Variants in ZNF391 observed in about 807,000 individuals in gnomAD.
The protein encoded by ZNF391 is zinc finger protein 391.
For synonymous variants in ZNF391, 126 were observed against 142.1 expected (o/e 0.89, Z 0.80); for missense variants, 375 against 425.5 (o/e 0.88, Z 1.04).
chr6:27,391,201 C>CTTTTTTTTTTTTT (rs386406591), intron 1 of ZNF391: 1 of 97,278 alleles, frequency 1.0e-5, no homozygotes, highest in African/African-American at 4.0e-5. Context: ...ATTCATTGTA[C>CTTTTTTTTTTTTT]TTTTTTTTTT....
Position 27,401,958 on chromosome 6 carries a change from A to C in ZNF391, c.*511A>C, listed in dbSNP as rs147717857. ...CCAGAAGAGAGGGATCTGGCTTCAG[A>C]GCAGGACTGAAAACTTCTCACCAGT... On this transcript the variant is annotated 3_prime_UTR_variant, in exon 3 of 3. Coordinates refer to ENST00000244576, the MANE Select transcript of ZNF391 (RefSeq NM_001076781.3). The C allele has an allele frequency of 9.1e-3, 1,388 of 152,970 alleles. 20 individuals carry two copies. Among genetic ancestry groups the C allele is most frequent in the Middle Eastern group, 0.024 (7 of 294 alleles). The allele number at this position is 152,970 out of a possible 1,614,324, so 9.5% of individuals were successfully genotyped here. A position where few individuals can be genotyped will look rare whatever the true frequency, so the allele number is the denominator to read the frequency against.
upstream of ZNF391, among the ~76,000 whole-genome samples, chr6:27,384,400 G>T (rs377657665): frequency 1.4e-5 from 2 of 148,098 alleles, no homozygotes; most frequent in East Asian, 2.0e-4. Flanking sequence ...GGAAGTGAAG[G>T]TTGCAGTGAG....
intron 1 of ZNF391, among the ~76,000 whole-genome samples, chr6:27,378,314 T>C (rs1761447876): frequency 6.6e-6 from 1 of 152,164 alleles, no homozygotes; most frequent in Admixed American, 6.5e-5. Context: ...ATAAAGCTTT[T>C]TAAATCACCT....
At chr6:27,389,127 A>G in intron 1 of ZNF391, 52 bp downstream of exon 1, 1 of 456,626 alleles carries the variant, frequency 2.2e-6, no homozygotes, top group Non-Finnish European at 4.4e-6. Context: ...CTTCGAAGGA[A>G]ACGGGCGAAA....
Position 27,401,267 on chromosome 6 carries a change from C to T in ZNF391, c.897C>T (p.His299=). The T allele has an allele frequency of 6.2e-7, 1 of 1,614,098 alleles. No individual in the cohort carries two copies. The highest frequency in any genetic ancestry group is 8.5e-7 in the Non-Finnish European group (1 of 1,180,008). ...CTCTTACAGAACATCAGAGAATCCACAGTGGAGAAAAGCCTCACGAGTGTA... is the reference window on the plus strand; with the variant it reads ...CTCTTACAGAACATCAGAGAATCCATAGTGGAGAAAAGCCTCACGAGTGTA... ...SSSLTEHQRI[H]SGEKPHECRV... is the part of the protein sequence containing the mutation. Residue 299 remains histidine (H), a synonymous_variant, in exon 3 of 3, where the codon CAC becomes CAT. Coordinates refer to ENST00000244576, the MANE Select transcript of ZNF391 (RefSeq NM_001076781.3).
intron 1 of ZNF391, among the ~76,000 whole-genome samples, chr6:27,375,825 A>T (rs1761408174): frequency 6.6e-6 from 1 of 152,232 alleles, no homozygotes; most frequent in African/African-American, 2.4e-5. Context: ...AACAAATCAC[A>T]CAAAGCAAGG....
chr6:27,391,469 A>G (rs535857238), intron 1 of ZNF391, among the ~76,000 whole-genome samples: 4 of 152,172 alleles, frequency 2.6e-5, no homozygotes, highest in Admixed American at 6.5e-5. Flanking sequence ...TGGCCTCCCA[A>G]TCATTACTTC....
At chr6:27,382,549 T>C (rs1324738745) in intron 1 of ZNF391, among the ~76,000 whole-genome samples, 5 of 151,974 alleles carry the variant, frequency 3.3e-5, no homozygotes, top group African/African-American at 1.2e-4. Flanking sequence ...GACTCACATA[T>C]GGTGGGGATG....
chr6:27,398,124 C>T (rs1202407866), intron 1 of ZNF391, among the ~76,000 whole-genome samples: 22 of 152,198 alleles, frequency 1.4e-4, no homozygotes, highest in Admixed American at 1.4e-3. Flanking sequence ...AGGCTAACCT[C>T]CACATCTGAG....
In ZNF391 at chr6:27,400,505, A is replaced by G. The variant is rs1761924786; in HGVS notation, c.135A>G (p.Lys45=). 5 of 1,614,090 alleles carry G rather than the reference A, an allele frequency of 3.1e-6. No homozygotes were observed. Among genetic ancestry groups the G allele is most frequent in the Non-Finnish European group, 4.2e-6 (5 of 1,180,042 alleles). The change falls in exon 3 of 3, where the codon AAA becomes AAG. Residue 45 remains lysine (K), a synonymous_variant. Transcript: ENST00000244576. ...CTTTTGAGAACACAGTGGTCAGAAAAGTGTCAGTGACACTCAAAGAAATTT... is the reference window on the plus strand; with the variant it reads ...CTTTTGAGAACACAGTGGTCAGAAAGGTGTCAGTGACACTCAAAGAAATTT... ...KSSFENTVVR[K]VSVTLKEIFT...
At chr6:27,398,177 A>G (rs899890928) in intron 1 of ZNF391, among the ~76,000 whole-genome samples, 8 of 152,222 alleles carry the variant, frequency 5.3e-5, no homozygotes, top group African/African-American at 1.9e-4. Context: ...ATGAAGCCAG[A>G]TTAACTCCCT....
intron 1 of ZNF391, among the ~76,000 whole-genome samples, chr6:27,378,553 A>G (rs940477286): frequency 1.3e-5 from 2 of 152,054 alleles, no homozygotes; most frequent in African/African-American, 4.8e-5. Flanking sequence ...AGGACCGGCT[A>G]TTTTCACTTC....
Position 27,401,084 on chromosome 6 carries a change from G to A in ZNF391, c.714G>A (p.Gln238=). Residue 238 remains glutamine, a synonymous_variant, in exon 3 of 3, where the codon CAG becomes CAA. Coordinates refer to ENST00000244576, the MANE Select transcript of ZNF391 (RefSeq NM_001076781.3). ...KAFGDRSTII[Q]HQRIHTGENP... Reference sequence around the variant, plus strand: ...TCGGTGACCGTTCAACCATAATTCAGCATCAACGAATACACACTGGAGAGA... The same window carrying A: ...TCGGTGACCGTTCAACCATAATTCAACATCAACGAATACACACTGGAGAGA... The A allele has an allele frequency of 6.2e-7, 1 of 1,614,000 alleles. No homozygotes were observed. The highest frequency in any genetic ancestry group is 8.5e-7 in the Non-Finnish European group (1 of 1,180,004).
chr6:27,389,807 TC>T (rs1259766322), intron 1 of ZNF391, among the ~76,000 whole-genome samples: 2 of 111,314 alleles, frequency 1.8e-5, no homozygotes, highest in African/African-American at 6.5e-5. Context: ...TCCGCGCCCC[TC>T]CCCCCCAAAA....
At position 27,392,309 on chromosome 6, in the gene ZNF391, G is replaced by A. The variant is rs539660635; in HGVS notation, c.-188+3234G>A. 2.6e-5 allele frequency among the ~76,000 whole-genome samples: 4 copies of A among 152,246 alleles called. No individual in the cohort carries two copies. In the South Asian group the frequency reaches 6.2e-4, roughly 24 times the overall value. On this transcript the variant is annotated intron_variant, in intron 1 of 2. Transcript: ENST00000244576. ...CTTGCTCTGTCGCCCAGGCCAGAGT[G>A]CAGTGGTACAGTCTTGGCTCACTGC...
At chr6:27,388,264 G>A (rs1161103279), upstream of ZNF391, among the ~76,000 whole-genome samples, 1 of 152,076 alleles carries the variant, frequency 6.6e-6, no homozygotes, top group African/African-American at 2.4e-5. Context: ...TACTAGATTA[G>A]GGTAGTGTCC....
rs1187044083 is a variant in ZNF391, at chr6:27,402,097, CT to C, written c.*651del. On this transcript the variant is annotated 3_prime_UTR_variant, in exon 3 of 3. Coordinates refer to ENST00000244576, the MANE Select transcript of ZNF391 (RefSeq NM_001076781.3). ...AGTAGCATTTTTCCTCAAAGTACAA[CT>C]CATTTTTTTACTAACGCCTAACTAA... 2.6e-5 allele frequency: 4 copies of C among 152,168 alleles called. No individual in the cohort carries two copies. Among genetic ancestry groups the C allele is most frequent in the Non-Finnish European group, 5.9e-5 (4 of 68,034 alleles). 9.4% of individuals were successfully genotyped at this position (152,168 alleles called of 1,614,324 possible).
Position 27,400,681 on chromosome 6 carries a change from C to T in ZNF391, c.311C>T (p.Ser104Leu), listed in dbSNP as rs1217895093. 7 of 1,613,930 alleles carry T rather than the reference C, an allele frequency of 4.3e-6. No homozygotes were observed. The highest frequency in any genetic ancestry group is 5.9e-6 in the Non-Finnish European group (7 of 1,179,984). The part of the protein sequence containing the change: ...SDLIKHQRLF[S>L]QRKPCKCNEC... ...TTAATTAAACACCAAAGACTTTTCT[C>T]ACAAAGAAAACCTTGTAAATGCAAT... is the stretch of plus-strand genomic sequence containing the variant. Residue 104 changes from serine (S) to leucine (L), a missense_variant, in exon 3 of 3, where the codon TCA (serine) becomes TTA (leucine). Ser to Leu is a moderately radical substitution (Grantham distance 145, BLOSUM62 -2). Transcript: ENST00000244576.
rs376447785 is a variant in ZNF391, at chr6:27,400,895, C to T, written c.525C>T (p.Ser175=). 3.1e-6 allele frequency: 5 copies of T among 1,613,826 alleles called. No individual in the cohort carries two copies. Among genetic ancestry groups the T allele is most frequent in the African/African-American group, 2.7e-5 (2 of 74,824 alleles). ...GCAATGAATGTGGAAAAGCTTTTAGCCGGAGCACACATCTTAGTCTACATC... is the reference window on the plus strand; with the variant it reads ...GCAATGAATGTGGAAAAGCTTTTAGTCGGAGCACACATCTTAGTCTACATC... The part of the protein sequence containing the change: ...YECNECGKAF[S]RSTHLSLHQR... Residue 175 remains serine (S), a synonymous_variant, in exon 3 of 3, where the codon AGC becomes AGT. Transcript: ENST00000244576.
Sources: allele counts gnomAD v4.1 joint callset (sites outside exome capture counted in the v4.1 genomes callset), GRCh38; gene constraint gnomAD v4.1.1; transcripts MANE v1.5; gene names NCBI Gene and HGNC (gene_info 2026-07-23, HGNC 2026-07-21).